Variants in NTN1 observed in about 807,000 individuals in gnomAD.
NTN1 encodes netrin 1, also known as netrin-1.
A neutral mutation model predicts 54.2 loss-of-function variants in NTN1; 11 were observed. The observed-to-expected ratio is 0.20, with a 90% CI of 0.13 to 0.34. The LOEUF is 0.34. NTN1 is among the 10% of genes least tolerant of loss of function. The pLI is 1.00. For synonymous variants in NTN1, 371 were observed against 382.0 expected (o/e 0.97, Z 0.33); for missense variants, 740 against 893.1 (o/e 0.83, Z 2.18).
chr17:9,105,798 G>T (rs2092164295), intron 2 of NTN1, among the ~76,000 whole-genome samples: 3 of 151,856 alleles, frequency 2.0e-5, no homozygotes, highest in Non-Finnish European at 4.4e-5. Flanking sequence ...CCTCCCCCAA[G>T]TCCCCCAAAT....
chr17:9,112,392 C>T (rs994503596), intron 2 of NTN1, among the ~76,000 whole-genome samples: 2 of 152,136 alleles, frequency 1.3e-5, no homozygotes, highest in African/African-American at 4.8e-5. Context: ...TCATGATGGG[C>T]ACAGAGAGGT....
chr17:9,208,177 AGCTGAGATCATGCCATT>A (rs377283549), intron 5 of NTN1, among the ~76,000 whole-genome samples: 235 of 152,320 alleles, frequency 1.5e-3, no homozygotes, highest in African/African-American at 5.4e-3. Context: ...GGTTGCAGTG[AGCTGAGATCATGCCATT>A]GCACTCCAGC....
intron 5 of NTN1, among the ~76,000 whole-genome samples, chr17:9,204,162 C>A (rs72811991): frequency 0.19 from 27,446 of 141,848 alleles, 3,071 homozygotes; most frequent in Non-Finnish European, 0.27. Flanking sequence ...AAGGATAGAC[C>A]ACCCTTAGTA....
intron 3 of NTN1, among the ~76,000 whole-genome samples, chr17:9,166,180 C>G (rs145098780): frequency 6.0e-5 from 6 of 100,420 alleles, no homozygotes; most frequent in South Asian, 3.4e-4. Flanking sequence ...ACCACCACCA[C>G]CACCACCACC....
At chr17:9,068,506 G>A (rs1418884689) in intron 2 of NTN1, among the ~76,000 whole-genome samples, 2 of 147,768 alleles carry the variant, frequency 1.4e-5, no homozygotes. Context: ...GTGTGTGTAT[G>A]TGTGAATTTT....
At chr17:9,011,139 G>A in the NTN1 span, among the ~76,000 whole-genome samples, 1 of 152,202 alleles carries the variant, frequency 6.6e-6, no homozygotes, top group East Asian at 1.9e-4. Flanking sequence ...GCAGAGCTCA[G>A]GTGGTAATGC....
intron 5 of NTN1, among the ~76,000 whole-genome samples, chr17:9,216,536 T>C (rs1905220225): frequency 6.6e-6 from 1 of 152,084 alleles, no homozygotes; most frequent in Non-Finnish European, 1.5e-5. Context: ...TTTGGTCCTT[T>C]GAAGAAGAAA....
chr17:9,013,869 A>T, the NTN1 span, among the ~76,000 whole-genome samples: 2 of 152,170 alleles, frequency 1.3e-5, no homozygotes, highest in Non-Finnish European at 2.9e-5. Flanking sequence ...GCCTCCCTAC[A>T]CAGTGACCCA....
At chr17:9,227,119 C>T (rs547942393) in intron 6 of NTN1, among the ~76,000 whole-genome samples, 14 of 152,212 alleles carry the variant, frequency 9.2e-5, no homozygotes, top group Admixed American at 2.6e-4. Context: ...CTCCTGTCTG[C>T]GCTGCCTCCC....
rs190304613 is a variant in NTN1, at chr17:9,232,340, C to T, written c.1487-7300C>T. The stretch of plus-strand genomic sequence containing the variant: ...TCTTGCTAAGAAGGGTGCCAGTCCC[C>T]GATCTCTTCTCACTGCTGAGCCTCA... On this transcript the variant is annotated intron_variant, in intron 6 of 6. Coordinates refer to ENST00000173229, the MANE Select transcript of NTN1 (RefSeq NM_004822.3). 3.0e-4 allele frequency among the ~76,000 whole-genome samples: 45 copies of T among 152,322 alleles called. No individual in the cohort carries two copies. In the East Asian group the frequency reaches 5.4e-3, roughly 18 times the overall value.
intron 2 of NTN1, among the ~76,000 whole-genome samples, chr17:9,025,751 G>A (rs1282393198): frequency 6.6e-6 from 1 of 152,216 alleles, no homozygotes; most frequent in Admixed American, 6.5e-5. Context: ...ATTTAGGGGT[G>A]ATTTACAATT....
At chr17:9,114,154 A>AT (rs1491588506) in intron 2 of NTN1, among the ~76,000 whole-genome samples, 2 of 39,202 alleles carry the variant, frequency 5.1e-5, no homozygotes, top group African/African-American at 1.9e-4. Flanking sequence ...AAAAAAAAAG[A>AT]AAAAAAAAAA....
At chr17:9,235,226 A>G (rs1328056540) in intron 6 of NTN1, among the ~76,000 whole-genome samples, 1 of 151,954 alleles carries the variant, frequency 6.6e-6, no homozygotes, top group African/African-American at 2.4e-5. Flanking sequence ...CAGCCTCCCA[A>G]AGTGCTGGGA....
intron 2 of NTN1, among the ~76,000 whole-genome samples, chr17:9,108,464 T>C (rs7222641): frequency 0.82 from 124,574 of 152,196 alleles, 51,267 homozygotes; most frequent in East Asian, 0.95. Flanking sequence ...TTCGACTTTC[T>C]GGCCTTTGGA....
At chr17:9,102,693 T>C (rs1009391225) in intron 2 of NTN1, among the ~76,000 whole-genome samples, 6 of 152,258 alleles carry the variant, frequency 3.9e-5, no homozygotes, top group African/African-American at 1.2e-4. Context: ...GTAACACTCC[T>C]ATAATGGCCC....
At chr17:9,138,639 GCCGC>G (rs2142277813) in intron 2 of NTN1, among the ~76,000 whole-genome samples, 1 of 152,368 alleles carries the variant, frequency 6.6e-6, no homozygotes, top group East Asian at 1.9e-4. Context: ...TGTGCTGACA[GCCGC>G]GTGCCGGGTA....
intron 2 of NTN1, among the ~76,000 whole-genome samples, chr17:9,048,067 A>G (rs1365029775): frequency 1.3e-5 from 2 of 152,240 alleles, no homozygotes; most frequent in African/African-American, 2.4e-5. Flanking sequence ...TACTTTGCCA[A>G]GATTCATCAG....
At chr17:9,086,613 A>C (rs2092090819) in intron 2 of NTN1, among the ~76,000 whole-genome samples, 1 of 152,146 alleles carries the variant, frequency 6.6e-6, no homozygotes, top group Non-Finnish European at 1.5e-5. Flanking sequence ...GGAGGAAATG[A>C]AATTATCACC....
chr17:9,031,074 G>A (rs1182925756), intron 2 of NTN1, among the ~76,000 whole-genome samples: 1 of 152,170 alleles, frequency 6.6e-6, no homozygotes, highest in Non-Finnish European at 1.5e-5. Flanking sequence ...TCTGCCTGAA[G>A]ATGAGAGATT....
Sources: allele counts gnomAD v4.1 joint callset (sites outside exome capture counted in the v4.1 genomes callset), GRCh38; gene constraint gnomAD v4.1.1; transcripts MANE v1.5; gene names NCBI Gene and HGNC (gene_info 2026-07-23, HGNC 2026-07-21).